The following UNC13C variants were observed in gnomAD, a reference collection of about 807,000 sequenced individuals.
UNC13C encodes the protein unc-13 homolog C.
A neutral mutation model predicts 245.4 loss-of-function variants in UNC13C; 174 were observed. The observed-to-expected ratio is 0.71, with a 90% CI of 0.63 to 0.80. UNC13C has a LOEUF of 0.80. UNC13C is among the 30% of genes least tolerant of loss of function. UNC13C has a pLI of 0.00. For synonymous variants in UNC13C, 992 were observed against 895.1 expected (o/e 1.11, Z -1.93); for missense variants, 2,829 against 2,602.9 (o/e 1.09, Z -1.89).
chr15:54,343,332 C>A (rs2038780352), intron 17 of UNC13C, among the ~76,000 whole-genome samples: 1 of 152,042 alleles, frequency 6.6e-6, no homozygotes, highest in African/African-American at 2.4e-5. Flanking sequence ...AGGGTTTCAC[C>A]ACGTTAGCCA....
chr15:54,085,533 CAAAT>C (rs1350586302), intron 2 of UNC13C, among the ~76,000 whole-genome samples: 1 of 152,106 alleles, frequency 6.6e-6, no homozygotes, highest in African/African-American at 2.4e-5. Context: ...CTAGTAGAAA[CAAAT>C]AAATATCTTC....
intron 10 of UNC13C, among the ~76,000 whole-genome samples, chr15:54,275,817 A>G (rs1399976230): frequency 6.6e-6 from 1 of 152,146 alleles, no homozygotes; most frequent in East Asian, 1.9e-4. Flanking sequence ...AGATATTCAT[A>G]GCTGCTTTTT....
the UNC13C span, among the ~76,000 whole-genome samples, chr15:53,939,812 CGAGA>C: frequency 0.33 from 49,713 of 150,210 alleles, 8,140 homozygotes; most frequent in African/African-American, 0.34. Context: ...AGAGAAAGGA[CGAGA>C]GAGAGAGAGA....
At chr15:54,396,310 A>G (rs1820870488) in intron 18 of UNC13C, among the ~76,000 whole-genome samples, 3 of 151,710 alleles carry the variant, frequency 2.0e-5, no homozygotes, top group Non-Finnish European at 4.4e-5. Context: ...ACTATGAATT[A>G]GTTTGGAAAT....
chr15:54,458,678 G>GTTTTTTTTT (rs1407353316), intron 19 of UNC13C, among the ~76,000 whole-genome samples: 1 of 38,634 alleles, frequency 2.6e-5, no homozygotes, highest in Non-Finnish European at 5.4e-5. Context: ...TTCCTTTAAG[G>GTTTTTTTTT]TCTTTTTTTT....
At chr15:54,326,981 C>A (rs1459544456) in intron 14 of UNC13C, among the ~76,000 whole-genome samples, 1 of 151,996 alleles carries the variant, frequency 6.6e-6, no homozygotes, top group Non-Finnish European at 1.5e-5. Flanking sequence ...CAGAGAGCCA[C>A]TTTACCAGCG....
At chr15:54,227,810 T>G (rs184629234) in intron 4 of UNC13C, among the ~76,000 whole-genome samples, 77 of 152,260 alleles carry the variant, frequency 5.1e-4, no homozygotes, top group Non-Finnish European at 7.6e-4. Context: ...TTGAAGCCGG[T>G]ATAGTACTGG....
At chr15:54,307,457 A>G (rs750755080) in intron 13 of UNC13C, among the ~76,000 whole-genome samples, 1 of 151,972 alleles carries the variant, frequency 6.6e-6, no homozygotes. Context: ...AGGTTTCAAC[A>G]TATGAGTTTT....
intron 28 of UNC13C, among the ~76,000 whole-genome samples, chr15:54,552,748 T>C (rs1192030909): frequency 3.9e-5 from 3 of 77,758 alleles, no homozygotes; most frequent in African/African-American, 1.6e-4. Flanking sequence ...ATATATTATA[T>C]AGTACAATAT....
the UNC13C span, among the ~76,000 whole-genome samples, chr15:53,903,644 A>G: frequency 1.3e-5 from 2 of 152,346 alleles, no homozygotes; most frequent in South Asian, 4.1e-4. Flanking sequence ...CAGTGACACG[A>G]CTGTTCAAGA....
intron 24 of UNC13C, among the ~76,000 whole-genome samples, chr15:54,516,664 G>C (rs1207489432): frequency 6.6e-6 from 1 of 152,028 alleles, no homozygotes; most frequent in East Asian, 1.9e-4. Flanking sequence ...GCCAGGCATG[G>C]TGGTGGGCGC....
At chr15:54,024,206 A>G (rs1896011454) in intron 2 of UNC13C, among the ~76,000 whole-genome samples, 1 of 152,208 alleles carries the variant, frequency 6.6e-6, no homozygotes, top group South Asian at 2.1e-4. Context: ...ACGTCAGACC[A>G]CAGATGATGG....
At chr15:54,442,908 A>G (rs985519662) in intron 19 of UNC13C, among the ~76,000 whole-genome samples, 8 of 152,076 alleles carry the variant, frequency 5.3e-5, no homozygotes, top group African/African-American at 1.7e-4. Context: ...TGGTTTTAGT[A>G]TCGGGGTAAT....
intron 4 of UNC13C, among the ~76,000 whole-genome samples, chr15:54,193,962 G>T (rs960037412): frequency 6.6e-6 from 1 of 152,142 alleles, no homozygotes; most frequent in Non-Finnish European, 1.5e-5. Flanking sequence ...GAATGAGCTT[G>T]GCCAACTAGA....
chr15:54,033,113 G>A (rs944999715), intron 2 of UNC13C, among the ~76,000 whole-genome samples: 3 of 151,848 alleles, frequency 2.0e-5, no homozygotes, highest in East Asian at 1.9e-4. Flanking sequence ...CAAATACCAC[G>A]TGTTCCCTAA....
chr15:54,001,095 T>C (rs1400622157), intron 1 of UNC13C, among the ~76,000 whole-genome samples: 1 of 152,206 alleles, frequency 6.6e-6, no homozygotes, highest in Non-Finnish European at 1.5e-5. Context: ...TCAAGTTCTG[T>C]TTGTAGCTGA....
chr15:54,430,449 A>G (rs187326759), intron 19 of UNC13C, among the ~76,000 whole-genome samples: 28 of 151,598 alleles, frequency 1.8e-4, no homozygotes, highest in Admixed American at 1.6e-3. Context: ...TCTCATTTAT[A>G]TGTTTGGATT....
At chr15:54,473,911 T>A (rs1892591792) in intron 19 of UNC13C, among the ~76,000 whole-genome samples, 2 of 151,704 alleles carry the variant, frequency 1.3e-5, no homozygotes, top group South Asian at 4.1e-4. Flanking sequence ...AGTCTCTAAT[T>A]ATCTATCATT....
chr15:54,414,676 T>C (rs888471068), intron 18 of UNC13C, among the ~76,000 whole-genome samples: 1 of 151,738 alleles, frequency 6.6e-6, no homozygotes, highest in Non-Finnish European at 1.5e-5. Flanking sequence ...GAGTCTTCGA[T>C]AAAAGTGAAG....
Sources: allele counts gnomAD v4.1 joint callset (sites outside exome capture counted in the v4.1 genomes callset), GRCh38; gene constraint gnomAD v4.1.1; transcripts MANE v1.5; gene names NCBI Gene and HGNC (gene_info 2026-07-23, HGNC 2026-07-21).